Variants in STX8 observed in about 807,000 individuals in gnomAD.
STX8 encodes syntaxin 8, also known as syntaxin-8.
In STX8, 23 loss-of-function variants were observed where a neutral mutation model predicts 37.5. The ratio of observed to expected loss-of-function variants is 0.61; its 90% CI spans 0.44 to 0.87. The LOEUF (loss-of-function observed/expected upper bound fraction) is 0.87, where lower values mean the gene tolerates loss of function less well. Ranked by LOEUF, STX8 falls within the 40% of genes least tolerant of loss-of-function variation. The pLI is 0.00. For synonymous variants in STX8, 115 were observed against 99.1 expected (o/e 1.16, Z -0.95); for missense variants, 313 against 284.7 (o/e 1.10, Z -0.71).
intron 7 of STX8, among the ~76,000 whole-genome samples, chr17:9,363,509 T>C (rs1160373398): frequency 6.6e-6 from 1 of 152,174 alleles, no homozygotes; most frequent in Non-Finnish European, 1.5e-5. Flanking sequence ...ACTAAGTCTG[T>C]CCCAGGACAA....
intron 4 of STX8, among the ~76,000 whole-genome samples, chr17:9,543,287 A>G (rs1170242906): frequency 1.7e-5 from 2 of 114,318 alleles, no homozygotes; most frequent in Non-Finnish European, 3.4e-5. Flanking sequence ...CCCTTCTAGA[A>G]GACAGTTTTT....
chr17:9,466,493 G>C (rs1323228121), intron 6 of STX8, among the ~76,000 whole-genome samples: 2 of 152,120 alleles, frequency 1.3e-5, no homozygotes, highest in African/African-American at 4.8e-5. Flanking sequence ...TCTTGAGAAG[G>C]CCCAACATTT....
chr17:9,255,545 A>AATAT (rs1463096338), intron 7 of STX8, among the ~76,000 whole-genome samples: 1 of 70,348 alleles, frequency 1.4e-5, no homozygotes, highest in East Asian at 2.2e-4. Context: ...TAAATAAATA[A>AATAT]ATAAATAAAT....
At chr17:9,350,800 T>A (rs1270799464) in intron 7 of STX8, among the ~76,000 whole-genome samples, 1 of 152,242 alleles carries the variant, frequency 6.6e-6, no homozygotes, top group African/African-American at 2.4e-5. Flanking sequence ...CCCAAAGTGC[T>A]GGGATTACAG....
intron 6 of STX8, among the ~76,000 whole-genome samples, chr17:9,418,167 T>G (rs1473181486): frequency 6.6e-6 from 1 of 152,164 alleles, no homozygotes; most frequent in African/African-American, 2.4e-5. Context: ...TGGAGTCTGA[T>G]GCTAATTAGA....
chr17:9,256,819 G>A (rs1906816173), intron 7 of STX8, among the ~76,000 whole-genome samples: 1 of 152,234 alleles, frequency 6.6e-6, no homozygotes, highest in South Asian at 2.1e-4. Context: ...GGTCACGTGT[G>A]AAAAGCAGAA....
intron 7 of STX8, among the ~76,000 whole-genome samples, chr17:9,336,144 C>T (rs1014782677): frequency 1.3e-5 from 2 of 152,136 alleles, no homozygotes; most frequent in Non-Finnish European, 2.9e-5. Flanking sequence ...ATTTCAAACC[C>T]CTTCTAATGT....
At chr17:9,536,397 C>CT (rs1906058494) in intron 4 of STX8, among the ~76,000 whole-genome samples, 1 of 152,146 alleles carries the variant, frequency 6.6e-6, no homozygotes, top group Non-Finnish European at 1.5e-5. Context: ...TCTCACTTCT[C>CT]TAACTTGCAA....
chr17:9,440,138 T>C (rs571156508), intron 6 of STX8, among the ~76,000 whole-genome samples: 12 of 152,104 alleles, frequency 7.9e-5, no homozygotes, highest in Non-Finnish European at 1.8e-4. Context: ...TAAAGAAGAG[T>C]TGACAATTAT....
chr17:9,458,251 G>A (rs543511882), intron 6 of STX8, among the ~76,000 whole-genome samples: 5 of 151,920 alleles, frequency 3.3e-5, no homozygotes, highest in Admixed American at 2.0e-4. Context: ...CTGGGCTCAC[G>A]CCATTCTCCT....
At chr17:9,355,010 CT>C (rs1466311235) in intron 7 of STX8, among the ~76,000 whole-genome samples, 1 of 152,158 alleles carries the variant, frequency 6.6e-6, no homozygotes, top group Non-Finnish European at 1.5e-5. Context: ...AGTTCAGATC[CT>C]TTGAAAGTAA....
At chr17:9,544,566 G>A (rs113594509) in intron 4 of STX8, among the ~76,000 whole-genome samples, 5,418 of 151,812 alleles carry the variant, frequency 0.036, 348 homozygotes, top group African/African-American at 0.12. Context: ...GAGTTTAGAA[G>A]GCAGTTAACA....
At chr17:9,406,453 T>C (rs190645219) in intron 6 of STX8, among the ~76,000 whole-genome samples, 76 of 152,312 alleles carry the variant, frequency 5.0e-4, no homozygotes, top group Non-Finnish European at 5.4e-4. Flanking sequence ...CTTGCCTCAA[T>C]AGCAACAGGA....
chr17:9,361,352 C>T (rs1268699400), intron 7 of STX8, among the ~76,000 whole-genome samples: 1 of 152,216 alleles, frequency 6.6e-6, no homozygotes, highest in Non-Finnish European at 1.5e-5. Flanking sequence ...AATTACCCAA[C>T]CTCTCTTGCT....
chr17:9,562,614 AT>A (rs1214808638), intron 2 of STX8, among the ~76,000 whole-genome samples: 2,088 of 10,134 alleles, frequency 0.21, 27 homozygotes, highest in Non-Finnish European at 0.28. Context: ...AAAAAAAAAA[AT>A]ATATATATAT....
chr17:9,363,453 G>A (rs1441779130), intron 7 of STX8, among the ~76,000 whole-genome samples: 5 of 152,180 alleles, frequency 3.3e-5, no homozygotes, highest in African/African-American at 1.2e-4. Context: ...TCTCCCATAA[G>A]TAGGTAGACA....
chr17:9,483,069 T>G (rs1383370993), intron 6 of STX8, among the ~76,000 whole-genome samples: 2 of 152,210 alleles, frequency 1.3e-5, no homozygotes, highest in Non-Finnish European at 2.9e-5. Flanking sequence ...TAGATTCCTG[T>G]TGCTACTCTA....
intron 6 of STX8, among the ~76,000 whole-genome samples, chr17:9,451,503 T>A (rs996285253): frequency 3.3e-5 from 5 of 152,162 alleles, no homozygotes; most frequent in Non-Finnish European, 7.3e-5. Flanking sequence ...CCTGCTAGGG[T>A]TCGTGGTGTC....
At chr17:9,545,770 G>A (rs1264182878) in intron 3 of STX8, among the ~76,000 whole-genome samples, 1 of 152,142 alleles carries the variant, frequency 6.6e-6, no homozygotes, top group African/African-American at 2.4e-5. Context: ...TATTAGAGAC[G>A]GGTTTTTGCC....
Sources: allele counts gnomAD v4.1 joint callset (sites outside exome capture counted in the v4.1 genomes callset), GRCh38; gene constraint gnomAD v4.1.1; transcripts MANE v1.5; gene names NCBI Gene and HGNC (gene_info 2026-07-23, HGNC 2026-07-21).